Variants in FMN2 observed in about 807,000 individuals in gnomAD.
FMN2 encodes formin-2.
Under a neutral mutation model 142.3 loss-of-function variants are expected in FMN2, and 51 were observed. The observed-to-expected ratio is 0.36, with a 90% CI of 0.29 to 0.45. The LOEUF is 0.45. FMN2 is among the 20% of genes least tolerant of loss of function. FMN2 has a pLI of 1.00. For missense variants in FMN2, 1,936 were observed against 2,122.8 expected (o/e 0.91, Z 1.73); for synonymous variants, 882 against 869.8 (o/e 1.01, Z -0.25).
At position 240,258,048 on chromosome 1, in the gene FMN2, A is replaced by G; in HGVS notation, c.4153+16A>G. On this transcript the variant is annotated intron_variant, in intron 7 of 17. Coordinates refer to ENST00000319653, the MANE Select transcript of FMN2 (RefSeq NM_020066.5). ...ATACAACATGGTAAGTGTCAAAATG[A>G]AAATTTAGCTTCTGAATATTAAAAT... The G allele has an allele frequency of 6.3e-7, 1 of 1,581,162 alleles. No individual in the cohort carries two copies. The highest frequency in any genetic ancestry group is 1.1e-5 in the South Asian group (1 of 87,196).
intron 3 of FMN2, 41 bp from the exon 4 acceptor site, chr1:240,188,166 G>T (rs1181570387): frequency 6.3e-7 from 1 of 1,587,034 alleles, no homozygotes; most frequent in African/African-American, 1.4e-5. Flanking sequence ...TAGGAAAATT[G>T]TCCTTTAAGA....
intron 6 of FMN2, among the ~76,000 whole-genome samples, chr1:240,240,853 A>G (rs1224881918): frequency 6.6e-6 from 1 of 152,228 alleles, no homozygotes; most frequent in Non-Finnish European, 1.5e-5. Context: ...TATTTGAAAT[A>G]GCAAAGGTCC....
At chr1:240,146,051 G>A (rs948259313) in intron 2 of FMN2, among the ~76,000 whole-genome samples, 1 of 148,986 alleles carries the variant, frequency 6.7e-6, no homozygotes, top group African/African-American at 2.5e-5. Flanking sequence ...TGAAGGATAG[G>A]GTCTACATAT....
intron 1 of FMN2, among the ~76,000 whole-genome samples, chr1:240,112,047 A>C (rs564363856): frequency 6.6e-6 from 1 of 152,280 alleles, no homozygotes; most frequent in South Asian, 2.1e-4. Flanking sequence ...TATAATATGT[A>C]ATATGTGTGA....
chr1:240,417,167 T>C (rs748280889), intron 15 of FMN2, among the ~76,000 whole-genome samples: 1 of 148,852 alleles, frequency 6.7e-6, no homozygotes, highest in Admixed American at 6.8e-5. Flanking sequence ...GAACCTGTCT[T>C]AGTAAATATT....
chr1:240,148,438 GAGAC>G (rs1241573322), intron 2 of FMN2, among the ~76,000 whole-genome samples: 1 of 122,252 alleles, frequency 8.2e-6, no homozygotes, highest in Admixed American at 8.9e-5. Flanking sequence ...CAGAAAGAGA[GAGAC>G]AGAGAGAGAG....
chr1:240,301,408 A>G (rs1670191014), intron 8 of FMN2, among the ~76,000 whole-genome samples: 1 of 151,836 alleles, frequency 6.6e-6, no homozygotes, highest in Non-Finnish European at 1.5e-5. Flanking sequence ...ATATTTAAAT[A>G]TAGTTTTTTT....
intron 3 of FMN2, among the ~76,000 whole-genome samples, chr1:240,180,742 T>A (rs1665117030): frequency 6.6e-6 from 1 of 151,888 alleles, no homozygotes; most frequent in Middle Eastern, 3.2e-3. Flanking sequence ...AATTTTTGTA[T>A]TTTTAGTAGA....
At chr1:240,281,394 G>T in intron 7 of FMN2, among the ~76,000 whole-genome samples, 1 of 152,032 alleles carries the variant, frequency 6.6e-6, no homozygotes, top group East Asian at 1.9e-4. Context: ...TTCCTTCCTA[G>T]GACATATGGT....
chr1:240,094,264 TCTGGGTTCCG>T (rs1381063650), intron 1 of FMN2, among the ~76,000 whole-genome samples: 1 of 152,234 alleles, frequency 6.6e-6, no homozygotes, highest in African/African-American at 2.4e-5. Flanking sequence ...CTTGCAGCAG[TCTGGGTTCCG>T]CTGCTTAGTG....
intron 15 of FMN2, among the ~76,000 whole-genome samples, chr1:240,428,208 G>A (rs991803801): frequency 6.7e-5 from 10 of 149,142 alleles, no homozygotes; most frequent in African/African-American, 2.5e-4. Context: ...AATTATTATT[G>A]TTACTGATCT....
Position 240,207,809 on chromosome 1 carries a change from T to TCCTCCCCCTCTTC in FMN2, c.2999_3000insTCCCCCTCTTCCC (p.Gly1005AlafsTer252). 9.3e-6 allele frequency: 3 copies of TCCTCCCCCTCTTC among 323,190 alleles called. No individual in the cohort carries two copies. Among genetic ancestry groups the TCCTCCCCCTCTTC allele is most frequent in the African/African-American group, 2.2e-4 (2 of 8,912 alleles). 20.0% of individuals were successfully genotyped at this position (323,190 alleles called of 1,614,324 possible). A position where few individuals can be genotyped will look rare whatever the true frequency, so the allele number is the denominator to read the frequency against. On this transcript the variant is annotated frameshift_variant, in exon 5 of 18. Transcript: ENST00000319653. LOFTEE classifies it high-confidence loss of function. ...CACTTCCCGGAGCGGGCATACCCCC[T>TCCTCCCCCTCTTC]CCGCCCCCACTTCCCGGAGCGGGCA...
In FMN2 at chr1:240,366,701, G is replaced by C. The variant is rs1458612279; in HGVS notation, c.4858+10793G>C. 2.0e-5 allele frequency among the ~76,000 whole-genome samples: 3 copies of C among 152,056 alleles called. No homozygotes were observed. The East Asian group carries it at 5.8e-4, about 30-fold the overall frequency. On this transcript the variant is annotated intron_variant, in intron 14 of 17. Coordinates refer to ENST00000319653, the MANE Select transcript of FMN2 (RefSeq NM_020066.5). ...CAAGTAGCTGGGATTACAGGCATGA[G>C]TCACCACACCTGGCTAATTTTGCAT...
chr1:240,352,206 G>A (rs1672118754), intron 13 of FMN2, among the ~76,000 whole-genome samples: 1 of 152,162 alleles, frequency 6.6e-6, no homozygotes, highest in Admixed American at 6.5e-5. Flanking sequence ...GCTGAGGACA[G>A]GGGTTTTGTC....
intron 6 of FMN2, among the ~76,000 whole-genome samples, chr1:240,227,522 G>T (rs995576257): frequency 6.6e-6 from 1 of 152,044 alleles, no homozygotes; most frequent in Non-Finnish European, 1.5e-5. Context: ...AAAGAACAAA[G>T]TTGGAAGCCT....
chr1:240,353,908 G>T (rs1353417656), intron 13 of FMN2, among the ~76,000 whole-genome samples: 1 of 152,126 alleles, frequency 6.6e-6, no homozygotes, highest in Admixed American at 6.5e-5. Flanking sequence ...GCCCTGTGGG[G>T]AGGTCAGGGA....
chr1:240,119,167 A>T (rs1031883190), intron 1 of FMN2, among the ~76,000 whole-genome samples: 1 of 152,014 alleles, frequency 6.6e-6, no homozygotes, highest in African/African-American at 2.4e-5. Flanking sequence ...CTCTCTACTA[A>T]AGATACAAAA....
At chr1:240,277,729 T>A (rs943470614) in intron 7 of FMN2, among the ~76,000 whole-genome samples, 1 of 151,832 alleles carries the variant, frequency 6.6e-6, no homozygotes, top group Non-Finnish European at 1.5e-5. Flanking sequence ...GAGACGAGGT[T>A]TCACCATGTT....
At chr1:240,105,394 C>G (rs564515369) in intron 1 of FMN2, among the ~76,000 whole-genome samples, 2 of 152,150 alleles carry the variant, frequency 1.3e-5, no homozygotes, top group South Asian at 4.2e-4. Flanking sequence ...CAGGTGTGAG[C>G]CACTGCACCC....
Sources: allele counts gnomAD v4.1 joint callset (sites outside exome capture counted in the v4.1 genomes callset), GRCh38; gene constraint gnomAD v4.1.1; transcripts MANE v1.5; gene names NCBI Gene and HGNC (gene_info 2026-07-23, HGNC 2026-07-21).